The following XYLB variants were observed in gnomAD, a reference collection of about 807,000 sequenced individuals.
XYLB encodes xylulokinase.
Under a neutral mutation model 78.7 loss-of-function variants are expected in XYLB, and 62 were observed. That is an observed-to-expected ratio of 0.79 (90% CI 0.64 to 0.97). XYLB has a LOEUF of 0.97. Ranked by LOEUF, XYLB falls within the 50% of genes least tolerant of loss-of-function variation. XYLB has a pLI of 0.00. For synonymous variants in XYLB, 245 were observed against 247.4 expected, an observed-to-expected ratio of 0.99 and a Z score of 0.09; for missense variants, 687 against 676.8, an observed-to-expected ratio of 1.02 and a Z score of -0.17.
At position 38,368,313 on chromosome 3, in the gene XYLB, G is replaced by A. The variant is rs1706371137; in HGVS notation, c.646+56G>A. On this transcript the variant is annotated intron_variant, in intron 8 of 18. Transcript: ENST00000207870. ...GGCAGTGTGCATGTGGCATGTGGGT[G>A]TGCAAGCAGTGGGAGCCCCACCTAC... 2.6e-6 allele frequency: 4 copies of A among 1,537,288 alleles called. No individual in the cohort carries two copies. The South Asian group carries it at 3.4e-5, about 13-fold the overall frequency.
At chr3:38,443,060 A>G in the XYLB span, among the ~76,000 whole-genome samples, 2 of 152,238 alleles carry the variant, frequency 1.3e-5, no homozygotes, top group East Asian at 1.9e-4. Context: ...GCATGTGAAA[A>G]GAGCAAAGTC....
intron 13 of XYLB, among the ~76,000 whole-genome samples, 155 bp downstream of exon 13, chr3:38,376,387 G>C (rs1706858580): frequency 6.6e-6 from 1 of 152,198 alleles, no homozygotes; most frequent in Admixed American, 6.5e-5. Context: ...CATCCTACAA[G>C]CTGGTGTGGA....
chr3:38,413,276 CTG>C lies in XYLB; in HGVS notation c.*264_*265del, dbSNP rs1708672690. 3 of 404,252 alleles carry C rather than the reference CTG, an allele frequency of 7.4e-6. No homozygotes were observed. The highest frequency in any genetic ancestry group is 4.6e-5 in the Admixed American group (1 of 21,780). 25.0% of individuals were successfully genotyped at this position (404,252 alleles called of 1,614,324 possible). On this transcript the variant is annotated 3_prime_UTR_variant, in exon 19 of 19. Coordinates refer to ENST00000207870, the MANE Select transcript of XYLB (RefSeq NM_005108.4). ...TTTTATCCCAGGAGGCAGGACAACA[CTG>C]AGACTGGGATATGTCCAATAAAAAC...
In XYLB at chr3:38,406,366, C is replaced by T. The variant is rs181973954; in HGVS notation, c.1533+5381C>T. The stretch of plus-strand genomic sequence containing the variant: ...GAAAACTAACAAACAGAAAGACATC[C>T]GCACCAAAAACCCATCTGTACATCA... On this transcript the variant is annotated intron_variant, in intron 18 of 18. Transcript: ENST00000207870. 2.8e-4 allele frequency among the ~76,000 whole-genome samples: 42 copies of T among 152,246 alleles called. No homozygotes were observed. The South Asian group carries it at 2.9e-3, about 11-fold the overall frequency.
intron 11 of XYLB, among the ~76,000 whole-genome samples, chr3:38,374,754 G>T (rs1399173751): frequency 1.3e-5 from 2 of 152,152 alleles, no homozygotes; most frequent in Non-Finnish European, 2.9e-5. Context: ...GCTTCACAGT[G>T]GCCAGTCTTA....
At chr3:38,378,890 C>T (rs941593024) in intron 14 of XYLB, among the ~76,000 whole-genome samples, 3 of 150,074 alleles carry the variant, frequency 2.0e-5, no homozygotes, top group Admixed American at 1.3e-4. Flanking sequence ...AAAAAACAGG[C>T]GCCACTATTA....
At chr3:38,383,344 T>A (rs1707238178) in intron 15 of XYLB, among the ~76,000 whole-genome samples, 1 of 152,200 alleles carries the variant, frequency 6.6e-6, no homozygotes, top group Non-Finnish European at 1.5e-5. Context: ...ACAATCGCCC[T>A]CTTGATGTTT....
At chr3:38,376,600 G>T (rs1157660727) in intron 13 of XYLB, among the ~76,000 whole-genome samples, 1 of 152,248 alleles carries the variant, frequency 6.6e-6, no homozygotes, top group African/African-American at 2.4e-5. Flanking sequence ...GGGCAGGCCT[G>T]AGCAGGGAGG....
rs572289137 is a variant in XYLB, at chr3:38,411,214, T to G, written c.1534-1722T>G. On this transcript the variant is annotated intron_variant, in intron 18 of 18. Coordinates refer to ENST00000207870, the MANE Select transcript of XYLB (RefSeq NM_005108.4). ...ACTATGCAGCCATAAAAAAGGATGA[T>G]TTCATGTCCTTTGTAGGGACATGGA... Among the ~76,000 whole-genome samples, 196 of 152,250 alleles carry G rather than the reference T, an allele frequency of 1.3e-3. 1 individual carries two copies. Among genetic ancestry groups the G allele is most frequent in the African/African-American group, 1.8e-3 (73 of 41,532 alleles).
intron 17 of XYLB, among the ~76,000 whole-genome samples, chr3:38,399,904 C>G (rs979102006): frequency 6.6e-6 from 1 of 152,142 alleles, no homozygotes; most frequent in East Asian, 1.9e-4. Flanking sequence ...AGCCAGTCTG[C>G]GAGTATGAGT....
chr3:38,425,379 C>T (rs1410746462), downstream of XYLB, among the ~76,000 whole-genome samples: 1 of 152,152 alleles, frequency 6.6e-6, no homozygotes, highest in Non-Finnish European at 1.5e-5. Flanking sequence ...TTCACAAGGA[C>T]AAGCCATTGT....
chr3:38,431,735 G>C, the XYLB span, among the ~76,000 whole-genome samples: 1 of 152,106 alleles, frequency 6.6e-6, no homozygotes, highest in Admixed American at 6.5e-5. Flanking sequence ...CCCTAAGGCT[G>C]GGGAGGCCTT....
At chr3:38,360,447 C>T (rs997381583) in intron 3 of XYLB, 39 bp downstream of exon 3, 2 of 1,516,896 alleles carry the variant, frequency 1.3e-6, no homozygotes, top group Non-Finnish European at 1.8e-6. Flanking sequence ...TATCCCCAGG[C>T]TGTCTCACTG....
intron 18 of XYLB, among the ~76,000 whole-genome samples, chr3:38,408,116 T>C (rs1301548941): frequency 6.6e-6 from 1 of 151,282 alleles, no homozygotes; most frequent in African/African-American, 2.4e-5. Context: ...TATTCCAAAA[T>C]TGACCACATA....
At chr3:38,350,987 CA>C (rs1164616256) in intron 2 of XYLB, among the ~76,000 whole-genome samples, 3 of 151,096 alleles carry the variant, frequency 2.0e-5, no homozygotes, top group Admixed American at 6.6e-5. Context: ...ACTAAAAATA[CA>C]AAAAAATTAG....
Position 38,414,334 on chromosome 3 carries a change from G to C in XYLB, c.*1321G>C, listed in dbSNP as rs1379488149. On this transcript the variant is annotated 3_prime_UTR_variant, in exon 19 of 19. Coordinates refer to ENST00000207870, the MANE Select transcript of XYLB (RefSeq NM_005108.4). Reference sequence around the variant, plus strand: ...AGTGAGTGGTGTCCTTTGGAGGCATGGTGGATGAAAGGCGCAAAGGAAGCA... The same window carrying C: ...AGTGAGTGGTGTCCTTTGGAGGCATCGTGGATGAAAGGCGCAAAGGAAGCA... 2 of 151,656 alleles carry C rather than the reference G, an allele frequency of 1.3e-5. No individual in the cohort carries two copies. Among genetic ancestry groups the C allele is most frequent in the African/African-American group, 4.8e-5 (2 of 41,250 alleles). The allele number at this position is 151,656 out of a possible 1,614,324, so 9.4% of individuals were successfully genotyped here.
At chr3:38,358,459 C>A (rs921171031) in intron 2 of XYLB, among the ~76,000 whole-genome samples, 3 of 151,014 alleles carry the variant, frequency 2.0e-5, no homozygotes. Flanking sequence ...ATTCTCCCAC[C>A]TTAGTCTCCC....
intron 16 of XYLB, 67 bp from the exon 17 acceptor site, chr3:38,397,005 A>G: frequency 1.3e-6 from 2 of 1,514,080 alleles, no homozygotes; most frequent in African/African-American, 2.7e-5. Flanking sequence ...TGGAAAGTGC[A>G]TCCCACAATG....
Position 38,376,251 on chromosome 3 carries a change from C to A in XYLB, c.1120+19C>A. ...AACCTGGGTAGGCCAGTTGGTGGTG[C>A]CCAGGCCTGTGAAGGGTCAGCAGCT... is the stretch of plus-strand genomic sequence containing the variant. On this transcript the variant is annotated intron_variant, in intron 13 of 18. Coordinates refer to ENST00000207870, the MANE Select transcript of XYLB (RefSeq NM_005108.4). 6.4e-7 allele frequency: 1 copy of A among 1,563,634 alleles called. No individual in the cohort carries two copies. Among genetic ancestry groups the A allele is most frequent in the Non-Finnish European group, 8.8e-7 (1 of 1,134,186 alleles).
Sources: allele counts gnomAD v4.1 joint callset (sites outside exome capture counted in the v4.1 genomes callset), GRCh38; gene constraint gnomAD v4.1.1; transcripts MANE v1.5; gene names NCBI Gene and HGNC (gene_info 2026-07-23, HGNC 2026-07-21).